RBFOX1: variants seen among roughly 807,000 people sequenced by gnomAD.
The protein encoded by RBFOX1 is RNA binding protein fox-1 homolog 1.
Under a neutral mutation model 57.7 loss-of-function variants are expected in RBFOX1, and 8 were observed. The ratio of observed to expected loss-of-function variants is 0.14; its 90% CI spans 0.08 to 0.25. The LOEUF is 0.25. RBFOX1 is among the 10% of genes least tolerant of loss of function. The pLI, the probability that RBFOX1 is intolerant of heterozygous loss-of-function variation, is 1.00. For missense variants in RBFOX1, 611 were observed against 548.5 expected, an observed-to-expected ratio of 1.11 and a Z score of -1.14; for synonymous variants, 326 against 222.4, an observed-to-expected ratio of 1.47 and a Z score of -4.15.
At chr16:7,216,088 C>T (rs2091988087) in intron 4 of RBFOX1, among the ~76,000 whole-genome samples, 1 of 152,258 alleles carries the variant, frequency 6.6e-6, no homozygotes, top group South Asian at 2.1e-4. Context: ...TTTCACTTAG[C>T]ATAATGCTTA....
intron 3 of RBFOX1, among the ~76,000 whole-genome samples, chr16:6,884,588 A>G (rs988346338): frequency 6.6e-6 from 1 of 152,152 alleles, no homozygotes; most frequent in Admixed American, 6.6e-5. Flanking sequence ...CCCATTTTGA[A>G]GAGATTAAAA....
chr16:7,564,600 T>A (rs968665002), intron 5 of RBFOX1, among the ~76,000 whole-genome samples: 3 of 144,188 alleles, frequency 2.1e-5, no homozygotes, highest in African/African-American at 7.8e-5. Flanking sequence ...AAGAGGGCCC[T>A]TCCCAGGAGC....
chr16:7,219,478 G>A (rs1231006182), intron 4 of RBFOX1, among the ~76,000 whole-genome samples: 5 of 152,218 alleles, frequency 3.3e-5, no homozygotes, highest in Non-Finnish European at 5.9e-5. Flanking sequence ...ATTTATAAAT[G>A]CATCTTTCCC....
In RBFOX1 at chr16:5,299,450, C is replaced by G. The variant is rs55771171; in HGVS notation, c.219+59345C>G. Reference sequence around the variant, plus strand: ...ATTCTCATTCTTTTAGGTAAATGCTCAGGAGTAGAATTGCTGAGACATAGG... The same window carrying G: ...ATTCTCATTCTTTTAGGTAAATGCTGAGGAGTAGAATTGCTGAGACATAGG... On this transcript the variant is annotated intron_variant, in intron 1 of 2. Transcript: ENST00000585867. 1.7e-3 allele frequency among the ~76,000 whole-genome samples: 265 copies of G among 152,260 alleles called. 1 individual carries two copies. Among genetic ancestry groups the G allele is most frequent in the African/African-American group, 6.1e-3 (252 of 41,546 alleles).
At chr16:6,567,965 C>T (rs770733283) in intron 2 of RBFOX1, among the ~76,000 whole-genome samples, 18 of 152,062 alleles carry the variant, frequency 1.2e-4, no homozygotes, top group Non-Finnish European at 2.4e-4. Context: ...GGACTACAGG[C>T]GCATGCCACC....
intron 2 of RBFOX1, among the ~76,000 whole-genome samples, chr16:6,485,520 A>G (rs1189745257): frequency 4.0e-5 from 6 of 150,640 alleles, no homozygotes; most frequent in Admixed American, 2.0e-4. Context: ...TGCACGCTGG[A>G]GGATCACCAG....
chr16:7,304,068 C>T (rs2096106301), intron 4 of RBFOX1: 1 of 389,102 alleles, frequency 2.6e-6, no homozygotes, highest in Non-Finnish European at 3.5e-6. Context: ...CAACTAGTTT[C>T]CAGGTCCCCG....
chr16:5,352,999 C>G (rs981157166), intron 1 of RBFOX1, among the ~76,000 whole-genome samples: 9 of 152,258 alleles, frequency 5.9e-5, no homozygotes, highest in African/African-American at 2.2e-4. Flanking sequence ...CCCAATTTTT[C>G]TGATACTATT....
intron 3 of RBFOX1, among the ~76,000 whole-genome samples, chr16:6,865,186 A>T (rs1241083358): frequency 6.6e-6 from 1 of 151,810 alleles, no homozygotes; most frequent in Non-Finnish European, 1.5e-5. Context: ...TACTTTTAGT[A>T]GAGATGGGGT....
Position 5,660,832 on chromosome 16 carries a change from T to A in RBFOX1, c.318+61871T>A, listed in dbSNP as rs570532745. On this transcript the variant is annotated intron_variant, in intron 3 of 19. Coordinates refer to the RBFOX1 transcript ENST00000641259. ...GGGCGAAGAGTAGACAGGAAGAGAT[T>A]CCTGTCATGGAGCATAAAGGATTCT... 7.9e-5 allele frequency among the ~76,000 whole-genome samples: 12 copies of A among 152,220 alleles called. No homozygotes were observed. In the South Asian group the frequency reaches 8.3e-4, roughly 11 times the overall value.
intron 4 of RBFOX1, among the ~76,000 whole-genome samples, chr16:5,987,572 A>T (rs761016071): frequency 2.0e-5 from 3 of 152,088 alleles, no homozygotes; most frequent in Non-Finnish European, 4.4e-5. Context: ...GCATGTGGGC[A>T]TGTGCCTGTT....
chr16:6,918,826 C>G (rs903999082), intron 3 of RBFOX1, among the ~76,000 whole-genome samples: 20 of 152,042 alleles, frequency 1.3e-4, no homozygotes, highest in African/African-American at 4.3e-4. Context: ...CGTTAATAAA[C>G]AAGTATTTTC....
At chr16:6,567,019 A>G (rs1334784540) in intron 2 of RBFOX1, among the ~76,000 whole-genome samples, 2 of 152,204 alleles carry the variant, frequency 1.3e-5, no homozygotes, top group Non-Finnish European at 2.9e-5. Context: ...GAAACATTAT[A>G]TTACACAGTC....
intron 4 of RBFOX1, among the ~76,000 whole-genome samples, chr16:7,353,781 T>A (rs1193251948): frequency 1.3e-5 from 2 of 152,290 alleles, no homozygotes; most frequent in African/African-American, 4.8e-5. Context: ...TAAAGTAGAT[T>A]AATGATTGCT....
chr16:6,007,248 C>G (rs953260778), intron 4 of RBFOX1, among the ~76,000 whole-genome samples: 1 of 152,174 alleles, frequency 6.6e-6, no homozygotes, highest in Non-Finnish European at 1.5e-5. Context: ...ACTTCCAAGA[C>G]TGAGTCATAA....
intron 4 of RBFOX1, among the ~76,000 whole-genome samples, chr16:5,989,041 C>A (rs1159826219): frequency 6.6e-6 from 1 of 151,956 alleles, no homozygotes; most frequent in Non-Finnish European, 1.5e-5. Flanking sequence ...TAATTACAAG[C>A]CAGGCGCGGT....
intron 3 of RBFOX1, among the ~76,000 whole-genome samples, chr16:5,707,488 C>T (rs889607743): frequency 6.6e-6 from 1 of 152,106 alleles, no homozygotes; most frequent in Non-Finnish European, 1.5e-5. Flanking sequence ...GATGCCAGGT[C>T]CTAATTGGAT....
chr16:6,959,514 C>T (rs749643921), intron 3 of RBFOX1, among the ~76,000 whole-genome samples: 5 of 151,488 alleles, frequency 3.3e-5, no homozygotes, highest in African/African-American at 4.9e-5. Context: ...TATTTTTTAC[C>T]CTCTCTCATT....
At chr16:6,591,568 C>G (rs1281128914) in intron 2 of RBFOX1, among the ~76,000 whole-genome samples, 3 of 152,100 alleles carry the variant, frequency 2.0e-5, no homozygotes, top group African/African-American at 7.2e-5. Context: ...GAGAGGAGAC[C>G]ATTTATGCAC....
Sources: allele counts gnomAD v4.1 joint callset (sites outside exome capture counted in the v4.1 genomes callset), GRCh38; gene constraint gnomAD v4.1.1; transcripts MANE v1.5; gene names NCBI Gene and HGNC (gene_info 2026-07-23, HGNC 2026-07-21).